Variants in SLC22A5 observed in about 807,000 individuals in gnomAD.
SLC22A5 encodes organic cation/carnitine transporter 2.
Under a neutral mutation model 56.7 loss-of-function variants are expected in SLC22A5, and 44 were observed. The ratio of observed to expected loss-of-function variants is 0.78; its 90% CI spans 0.61 to 1.00. SLC22A5 has a LOEUF of 1.00. Ranked by LOEUF, SLC22A5 falls within the 50% of genes least tolerant of loss-of-function variation. The pLI is 0.00. For synonymous variants in SLC22A5, 278 were observed against 292.1 expected, an observed-to-expected ratio of 0.95 and a Z score of 0.49; for missense variants, 675 against 723.0, an observed-to-expected ratio of 0.93 and a Z score of 0.76.
chr5:132,390,261 GTTATC>G, intron 6 of SLC22A5: 2 of 322,744 alleles, frequency 6.2e-6, no homozygotes, highest in Non-Finnish European at 1.2e-5. Context: ...TGTTCCTTTT[GTTATC>G]TTATCCCCCA....
chr5:132,369,777 G>T lies in SLC22A5; in HGVS notation c.-196G>T. 1 of 633,626 alleles carries T rather than the reference G, an allele frequency of 1.6e-6. No individual in the cohort carries two copies. The highest frequency in any genetic ancestry group is 3.2e-5 in the East Asian group (1 of 31,090). The allele number at this position is 633,626 out of a possible 1,614,324, so 39.3% of individuals were successfully genotyped here. On this transcript the variant is annotated 5_prime_UTR_variant, in exon 1 of 10. Transcript: ENST00000245407. ...GCGGCCCAGGCCCGCAACCTTCCCT[G>T]GTCGTGCGCCCTATGTAAGGCCAGC...
In SLC22A5 at chr5:132,392,606, G is replaced by T. The variant is rs11568513; in HGVS notation, c.1441G>T (p.Val481Phe). 9.3e-6 allele frequency: 15 copies of T among 1,613,814 alleles called. No homozygotes were observed. The highest frequency in any genetic ancestry group is 1.3e-5 in the Non-Finnish European group (15 of 1,179,974). ...RLGSILSPYF[V>F]YLGAYDRFLP... ...GGGCAGCATCCTGTCTCCCTACTTC[G>T]TTTACCTTGGTAAGTCCCATGAGCC... Residue 481 changes from valine (V) to phenylalanine (F), a missense_variant, in exon 8 of 10, where the codon GTT becomes TTT. By Grantham distance (50) the Val-to-Phe change is conservative (BLOSUM62 -1). Coordinates refer to ENST00000245407, the MANE Select transcript of SLC22A5 (RefSeq NM_003060.4).
intron 6 of SLC22A5, 59 bp downstream of exon 6, chr5:132,389,080 G>A (rs903047924): frequency 3.7e-6 from 4 of 1,092,252 alleles, no homozygotes; most frequent in Middle Eastern, 2.3e-4. Context: ...TGGCCATTGG[G>A]CCTCTTGTTT....
chr5:132,378,975 AC>A (rs1482574277), intron 2 of SLC22A5: 2 of 185,726 alleles, frequency 1.1e-5, no homozygotes, highest in Non-Finnish European at 2.3e-5. Context: ...TCTTTTGTCC[AC>A]AAGGCTGATG....
chr5:132,389,095 A>C, intron 6 of SLC22A5, 74 bp downstream of exon 6: 3 of 918,574 alleles, frequency 3.3e-6, no homozygotes, highest in Non-Finnish European at 5.4e-6. Flanking sequence ...TTGTTTACAG[A>C]CATGCCTCAG....
intron 6 of SLC22A5, chr5:132,389,393 A>G (rs1752631826): frequency 1.7e-5 from 6 of 351,028 alleles, no homozygotes; most frequent in South Asian, 1.3e-4. Flanking sequence ...TGAAGACACC[A>G]TGTCCTGTAG....
intron 3 of SLC22A5, among the ~76,000 whole-genome samples, chr5:132,384,701 C>CTAAG (rs1752463420): frequency 1.3e-5 from 2 of 152,346 alleles, no homozygotes; most frequent in South Asian, 4.1e-4. Flanking sequence ...GGCAAGCTTG[C>CTAAG]TAAGGTAGAG....
Position 132,370,354 on chromosome 5 carries a change from A to G in SLC22A5, c.382A>G (p.Ile128Val), listed in dbSNP as rs772405276. ...CAGTCAGGACGTCTACCTGTCCACCATTGTGACCGAGGTGGGTGCCGGCCC... is the reference window on the plus strand; with the variant it reads ...CAGTCAGGACGTCTACCTGTCCACCGTTGTGACCGAGGTGGGTGCCGGCCC... The part of the protein sequence containing the change: ...EFSQDVYLST[I>V]VTEWNLVCED... Residue 128 changes from isoleucine (I) to valine (V), a missense_variant, in exon 1 of 10, where the codon ATT becomes GTT. By Grantham distance (29) the Ile-to-Val change is conservative. Coordinates refer to ENST00000245407, the MANE Select transcript of SLC22A5 (RefSeq NM_003060.4). The G allele has an allele frequency of 7.4e-6, 12 of 1,612,148 alleles. No homozygotes were observed. Among genetic ancestry groups the G allele is most frequent in the South Asian group, 2.2e-5 (2 of 90,858 alleles).
intron 1 of SLC22A5, among the ~76,000 whole-genome samples, chr5:132,371,604 G>A (rs1372610126): frequency 6.6e-6 from 1 of 152,118 alleles, no homozygotes; most frequent in Non-Finnish European, 1.5e-5. Context: ...CCAGTGAATA[G>A]CCCTCATTGA....
chr5:132,388,784 T>C, intron 5 of SLC22A5, 137 bp from the exon 6 acceptor site: 1 of 709,956 alleles, frequency 1.4e-6, no homozygotes, highest in South Asian at 1.5e-5. Context: ...TCAGTATACT[T>C]ACTGTTCTTA....
chr5:132,371,866 T>A (rs1321207017), intron 1 of SLC22A5, among the ~76,000 whole-genome samples: 2 of 152,076 alleles, frequency 1.3e-5, no homozygotes, highest in African/African-American at 4.8e-5. Context: ...GAGCCTCCCC[T>A]CCTGGAGCCT....
In SLC22A5 at chr5:132,393,705, C is replaced by T. The variant is rs1020856343; in HGVS notation, c.1480C>T (p.Leu494Phe). The T allele has an allele frequency of 1.9e-6, 3 of 1,614,208 alleles. No homozygotes were observed. Among genetic ancestry groups the T allele is most frequent in the Middle Eastern group, 1.6e-4 (1 of 6,062 alleles). The stretch of plus-strand genomic sequence containing the variant: ...CTACGACCGCTTCCTGCCCTACATT[C>T]TCATGGGAAGTCTGACCATCCTGAC... Reference protein sequence around the residue: ...GAYDRFLPYILMGSLTILTAI... With the variant: ...GAYDRFLPYIFMGSLTILTAI... The change falls in exon 9 of 10, where the codon CTC (leucine) becomes TTC (phenylalanine). Residue 494 changes from leucine to phenylalanine, a missense_variant. Transcript: ENST00000245407.
intron 1 of SLC22A5, among the ~76,000 whole-genome samples, chr5:132,372,234 C>A (rs1251413613): frequency 6.6e-6 from 1 of 152,192 alleles, no homozygotes; most frequent in Non-Finnish European, 1.5e-5. Context: ...CCTAGCCTCA[C>A]AGGTGGGTGT....
intron 9 of SLC22A5, 115 bp downstream of exon 9, chr5:132,393,926 G>C: frequency 7.8e-7 from 1 of 1,276,610 alleles, no homozygotes. Context: ...CCATGGACTA[G>C]TTTAGCCATT....
intron 6 of SLC22A5, 176 bp downstream of exon 6, chr5:132,389,197 G>A: frequency 3.2e-6 from 2 of 619,740 alleles, no homozygotes; most frequent in Non-Finnish European, 5.9e-6. Flanking sequence ...TTAATGGGAT[G>A]GAACCTCAGA....
intron 1 of SLC22A5, chr5:132,377,548 C>G (rs538984821): frequency 2.6e-5 from 4 of 152,414 alleles, no homozygotes; most frequent in African/African-American, 9.6e-5. Context: ...CAGATCCAAG[C>G]GTCTGGCTGC....
chr5:132,380,359 G>A (rs1448657300), intron 2 of SLC22A5: 1 of 152,160 alleles, frequency 6.6e-6, no homozygotes, highest in African/African-American at 2.4e-5. Flanking sequence ...TCACAGTTAG[G>A]ACTTTGGGCT....
In SLC22A5 at chr5:132,392,500, G is replaced by T. The variant is rs762422835; in HGVS notation, c.1335G>T (p.Met445Ile). ...TTGGAGTCACGGCTGCCTTTTCCAT[G>T]GTCTACGTGTACACAGCCGAGCTGT... ...GKFGVTAAFS[M>I]VYVYTAELYP... Residue 445 changes from methionine (M) to isoleucine (I), a missense_variant, in exon 8 of 10, where the codon ATG becomes ATT. By Grantham distance (10) the Met-to-Ile change is conservative (BLOSUM62 1). Transcript: ENST00000245407. The T allele has an allele frequency of 1.2e-6, 2 of 1,614,036 alleles. No individual in the cohort carries two copies. Among genetic ancestry groups the T allele is most frequent in the South Asian group, 2.2e-5 (2 of 91,084 alleles).
rs1752834020 is a variant in SLC22A5, at chr5:132,395,187, G to GCA, written c.*915_*916insCA. On this transcript the variant is annotated 3_prime_UTR_variant, in exon 10 of 10. Transcript: ENST00000245407. ...TTCAGAATGCACTTGGGAAAGGCTG[G>GCA]TTCCTTAGCCTCCTGGTTTGTGTCT... is the stretch of plus-strand genomic sequence containing the variant. 1 of 150,132 alleles carries GCA rather than the reference G, an allele frequency of 6.7e-6. No homozygotes were observed. Among genetic ancestry groups the GCA allele is most frequent in the Non-Finnish European group, 1.5e-5 (1 of 67,632 alleles). 9.3% of individuals were successfully genotyped at this position (150,132 alleles called of 1,614,324 possible). A position where few individuals can be genotyped will look rare whatever the true frequency, so the allele number is the denominator to read the frequency against.
Sources: gnomAD v4.1 joint callset for allele counts (sites outside exome capture counted in the v4.1 genomes callset) on GRCh38, gnomAD v4.1.1 for gene constraint, MANE v1.5 for transcripts, NCBI Gene and HGNC (gene_info 2026-07-23, HGNC 2026-07-21) for gene names.